Variants in RAMAC observed in about 807,000 individuals in gnomAD.
The protein encoded by RAMAC is RNA guanine-7 methyltransferase activating subunit, also known as RNA guanine-N7 methyltransferase activating subunit.
Under a neutral mutation model 17.9 loss-of-function variants are expected in RAMAC, and 11 were observed. That is an observed-to-expected ratio of 0.61 (90% CI 0.39 to 1.02). RAMAC has a LOEUF of 1.02. Among genes scored for constraint, RAMAC ranks in the 50% least tolerant of loss-of-function variants. The probability of loss-of-function intolerance (pLI) is 0.01; values close to 1 mark genes in which losing one functional copy is unlikely to be tolerated. For synonymous variants in RAMAC, 27 were observed against 48.4 expected (o/e 0.56, Z 1.84); for missense variants, 109 against 144.0 (o/e 0.76, Z 1.25).
intron 3 of RAMAC, 31 bp from the exon 4 acceptor site, chr15:82,989,850 T>C (rs1389029310): frequency 1.2e-6 from 2 of 1,604,314 alleles, no homozygotes; most frequent in African/African-American, 1.3e-5. Flanking sequence ...ACAAGGGAAG[T>C]TTAAAGATCT....
Position 82,989,074 on chromosome 15 carries a change from T to A in RAMAC, c.56T>A (p.Phe19Tyr), listed in dbSNP as rs145249302. The A allele has an allele frequency of 3.5e-5, 57 of 1,613,820 alleles. No individual in the cohort carries two copies. In the African/African-American group the frequency reaches 7.2e-4, roughly 20 times the overall value. Residue 19 changes from phenylalanine (F) to tyrosine (Y), a missense_variant, in exon 3 of 4, where the codon TTC becomes TAC. Coordinates refer to ENST00000304191, the MANE Select transcript of RAMAC (RefSeq NM_031452.4). ...PKFEEMFASR[F>Y]TENDKEYQEY... ...TTTGAAGAGATGTTTGCTAGTAGAT[T>A]CACAGAAAATGACAAGGAGTATCAG...
chr15:82,989,868 T>G lies in RAMAC; in HGVS notation c.171-13T>G. 1.2e-6 allele frequency: 2 copies of G among 1,610,570 alleles called. No homozygotes were observed. Among genetic ancestry groups the G allele is most frequent in the Non-Finnish European group, 1.7e-6 (2 of 1,177,428 alleles). ...AGGGAAGTTTAAAGATCTTTTTTGT[T>G]TTATTGTTGTAGGTTGCAAGACAAC... On this transcript the variant is annotated splice_polypyrimidine_tract_variant and intron_variant, in intron 3 of 3. Transcript: ENST00000304191.
chr15:82,989,262 C>G, intron 3 of RAMAC, 74 bp downstream of exon 3: 1 of 1,505,800 alleles, frequency 6.6e-7, no homozygotes, highest in Non-Finnish European at 9.0e-7. Context: ...ACTGGAAGGC[C>G]AGTGAGGGCA....
rs112486577 is a variant in RAMAC, at chr15:82,987,093, A to G, written c.-58-243A>G. On this transcript the variant is annotated intron_variant, in intron 1 of 3. Coordinates refer to ENST00000304191, the MANE Select transcript of RAMAC (RefSeq NM_031452.4). ...CCACCACGCCTGGCTAATTTTTTCT[A>G]TTTTTAGGAGAGACGAGGTTTCACC... 1.3e-3 allele frequency among the ~76,000 whole-genome samples: 194 copies of G among 152,004 alleles called. 2 individuals are homozygous for G. Among genetic ancestry groups the G allele is most frequent in the Non-Finnish European group, 1.2e-3 (84 of 67,976 alleles).
intron 2 of RAMAC, 71 bp from the exon 3 acceptor site, chr15:82,988,939 G>T: frequency 6.9e-7 from 1 of 1,446,758 alleles, no homozygotes; most frequent in Non-Finnish European, 9.3e-7. Context: ...TTACTTCTTG[G>T]TTTTTCATTA....
chr15:82,988,976 T>A (rs765261035), intron 2 of RAMAC, 34 bp from the exon 3 acceptor site: 6 of 1,539,406 alleles, frequency 3.9e-6, no homozygotes, highest in Non-Finnish European at 5.2e-6. Context: ...ATTTTTAAAT[T>A]TTTTTTAATG....
In RAMAC at chr15:82,990,882, T is replaced by G. The variant is rs2030830214; in HGVS notation, c.*815T>G. ...TTTTTTGGTATTTAATGTGGGCTGATTTTACAATGTTATATTCACTTCCAG... is the reference window on the plus strand; with the variant it reads ...TTTTTTGGTATTTAATGTGGGCTGAGTTTACAATGTTATATTCACTTCCAG... On this transcript the variant is annotated 3_prime_UTR_variant, in exon 4 of 4. Coordinates refer to ENST00000304191, the MANE Select transcript of RAMAC (RefSeq NM_031452.4). 1 of 464,340 alleles carries G rather than the reference T, an allele frequency of 2.2e-6. No homozygotes were observed. The highest frequency in any genetic ancestry group is 3.9e-6 in the Non-Finnish European group (1 of 258,992). The allele number at this position is 464,340 out of a possible 1,614,324, so 28.8% of individuals were successfully genotyped here. A position where few individuals can be genotyped will look rare whatever the true frequency, so the allele number is the denominator to read the frequency against.
In RAMAC at chr15:82,988,929, T is replaced by C. The variant is rs531702162; in HGVS notation, c.-9-81T>C. 1.4e-3 allele frequency: 1,942 copies of C among 1,353,158 alleles called. 7 individuals are homozygous for C. The highest frequency in any genetic ancestry group is 1.8e-3 in the Non-Finnish European group (1,766 of 998,772). The allele number at this position is 1,353,158 out of a possible 1,614,324, so 83.8% of individuals were successfully genotyped here. ...CATGAATACCCCGCCTAAAAATTGC[T>C]TACTTCTTGGTTTTTCATTATTTGG... On this transcript the variant is annotated intron_variant, in intron 2 of 3. Transcript: ENST00000304191.
chr15:82,986,271 A>T lies in RAMAC; in HGVS notation c.-157A>T, dbSNP rs1194727581. On this transcript the variant is annotated 5_prime_UTR_variant, in exon 1 of 4. Coordinates refer to ENST00000304191, the MANE Select transcript of RAMAC (RefSeq NM_031452.4). Reference sequence around the variant, plus strand: ...ACATTGGAGAACTGGAGTGGTCTGGAGTTCCACGGTGTAGTGGACCAGAGG... The same window carrying T: ...ACATTGGAGAACTGGAGTGGTCTGGTGTTCCACGGTGTAGTGGACCAGAGG... 1.1e-5 allele frequency: 2 copies of T among 184,686 alleles called. No individual in the cohort carries two copies. The highest frequency in any genetic ancestry group is 4.7e-5 in the African/African-American group (2 of 42,154). The allele number at this position is 184,686 out of a possible 1,614,324, so 11.4% of individuals were successfully genotyped here.
At chr15:82,987,074 C>T (rs1471770742) in intron 1 of RAMAC, among the ~76,000 whole-genome samples, 1 of 152,132 alleles carries the variant, frequency 6.6e-6, no homozygotes, top group African/African-American at 2.4e-5. Flanking sequence ...CATGCCACCA[C>T]GCCTGGCTAA....
intron 3 of RAMAC, 68 bp downstream of exon 3, chr15:82,989,256 G>C: frequency 6.5e-7 from 1 of 1,538,378 alleles, no homozygotes. Context: ...TGCTAGACTG[G>C]AAGGCCAGTG....
chr15:82,986,964 C>T (rs2030643593), intron 1 of RAMAC, among the ~76,000 whole-genome samples: 2 of 151,786 alleles, frequency 1.3e-5, no homozygotes, highest in African/African-American at 2.4e-5. Flanking sequence ...GACGGAGTCT[C>T]GCTCTGTCGC....
intron 1 of RAMAC, among the ~76,000 whole-genome samples, chr15:82,987,004 G>A (rs1433895931): frequency 6.6e-6 from 1 of 151,738 alleles, no homozygotes; most frequent in East Asian, 1.9e-4. Context: ...CGCGATCTCC[G>A]CCTCCCAAGT....
At chr15:82,988,434 A>G (rs1182298408) in intron 2 of RAMAC, 1 of 178,996 alleles carries the variant, frequency 5.6e-6, no homozygotes, top group African/African-American at 2.4e-5. Context: ...AATGTTACAA[A>G]TATTTGCATA....
rs781123458 is a variant in RAMAC at position 82,988,994 on chromosome 15, C to G, written c.-9-16C>G. On this transcript the variant is annotated splice_polypyrimidine_tract_variant and intron_variant, in intron 2 of 3. Transcript: ENST00000304191. The stretch of plus-strand genomic sequence containing the variant: ...TTTAAATTTTTTTTAATGGAAATGT[C>G]TTTAAAATTGTACAGATTTTCAGAA... 3.2e-6 allele frequency: 5 copies of G among 1,573,868 alleles called. No homozygotes were observed. Among genetic ancestry groups the G allele is most frequent in the Admixed American group, 3.8e-5 (2 of 52,002 alleles).
Position 82,986,281 on chromosome 15 carries a change from T to C in RAMAC, c.-147T>C, listed in dbSNP as rs1247375078. The C allele has an allele frequency of 5.8e-6, 1 of 171,020 alleles. No homozygotes were observed. Among genetic ancestry groups the C allele is most frequent in the Non-Finnish European group, 1.2e-5 (1 of 85,230 alleles). 10.6% of individuals were successfully genotyped at this position (171,020 alleles called of 1,614,324 possible). On this transcript the variant is annotated 5_prime_UTR_variant, in exon 1 of 4. Transcript: ENST00000304191. Reference sequence around the variant, plus strand: ...ACTGGAGTGGTCTGGAGTTCCACGGTGTAGTGGACCAGAGGCCACCTCTCC... The same window carrying C: ...ACTGGAGTGGTCTGGAGTTCCACGGCGTAGTGGACCAGAGGCCACCTCTCC...
At chr15:82,988,986 G>T in intron 2 of RAMAC, 24 bp from the exon 3 acceptor site, 2 of 1,551,428 alleles carry the variant, frequency 1.3e-6, no homozygotes, top group Non-Finnish European at 1.7e-6. Context: ...TTTTTTTAAT[G>T]GAAATGTCTT....
intron 1 of RAMAC, among the ~76,000 whole-genome samples, 191 bp downstream of exon 1, chr15:82,986,560 T>C (rs1596393923): frequency 1.3e-5 from 2 of 152,180 alleles, no homozygotes; most frequent in African/African-American, 4.8e-5. Context: ...GCCAGAACCT[T>C]GGTAAGCAAG....
In RAMAC at chr15:82,990,552, T is replaced by C; in HGVS notation, c.*485T>C. 3 of 1,013,668 alleles carry C rather than the reference T, an allele frequency of 3.0e-6. No homozygotes were observed. The highest frequency in any genetic ancestry group is 3.2e-5 in the South Asian group (2 of 61,668). 62.8% of individuals were successfully genotyped at this position (1,013,668 alleles called of 1,614,324 possible). On this transcript the variant is annotated 3_prime_UTR_variant, in exon 4 of 4. Transcript: ENST00000304191. ...AAAGGTAAAACAATTGCTTTTTTTTTTTTTTGCATTTGTTAAGTGACTATG... is the reference window on the plus strand; with the variant it reads ...AAAGGTAAAACAATTGCTTTTTTTTCTTTTTGCATTTGTTAAGTGACTATG...
Sources: allele counts gnomAD v4.1 joint callset (sites outside exome capture counted in the v4.1 genomes callset), GRCh38; gene constraint gnomAD v4.1.1; transcripts MANE v1.5; gene names NCBI Gene and HGNC (gene_info 2026-07-23, HGNC 2026-07-21).